The following MACF1 variants were observed in gnomAD, a reference collection of about 807,000 sequenced individuals.
The protein encoded by MACF1 is microtubule actin crosslinking factor 1, also known as microtubule-actin cross-linking factor 1.
A neutral mutation model predicts 854.8 loss-of-function variants in MACF1; 193 were observed. The ratio of observed to expected loss-of-function variants is 0.23; its 90% confidence interval spans 0.20 to 0.25. The LOEUF is 0.25. Among genes scored for constraint, MACF1 ranks in the 10% least tolerant of loss-of-function variants. The probability of loss-of-function intolerance (pLI) is 1.00; values close to 1 mark genes in which losing one functional copy is unlikely to be tolerated. For missense variants in MACF1, 7,722 were observed against 8,929.1 expected (o/e 0.86, Z 5.45); for synonymous variants, 3,185 against 3,226.7 (o/e 0.99, Z 0.44).
At chr1:39,445,969 G>A (rs982840042) in intron 80 of MACF1, among the ~76,000 whole-genome samples, 3 of 152,168 alleles carry the variant, frequency 2.0e-5, no homozygotes, top group African/African-American at 7.2e-5. Context: ...AAAAAAAAGA[G>A]AAAACAATCC....
chr1:39,356,948 A>G (rs143520448), intron 44 of MACF1, among the ~76,000 whole-genome samples: 1 of 152,214 alleles, frequency 6.6e-6, no homozygotes, highest in East Asian at 1.9e-4. Context: ...TGAAAACCAT[A>G]AAGTCCTATA....
At chr1:39,350,674 G>A in intron 42 of MACF1, 111 bp from the exon 43 acceptor site, 1 of 667,402 alleles carries the variant, frequency 1.5e-6, no homozygotes, top group Non-Finnish European at 2.5e-6. Context: ...ATTGTAGTTA[G>A]GGACTATATA....
In MACF1 at chr1:39,319,727, C is replaced by T. The variant is rs1187130781; in HGVS notation, c.4009C>T (p.Gln1337Ter). Residue 1337 changes from glutamine to a stop codon, truncating the protein, a stop_gained, in exon 31 of 101, where the codon CAG becomes TAG. Transcript: ENST00000564288. LOFTEE classifies it high-confidence loss of function. ...KLDQCQKFSQ[Q>*]YSTIVKDYEL... Reference sequence around the variant, plus strand: ...GGATCAATGTCAAAAATTTTCCCAGCAGTACTCTACTATTGTAAAGGTAAC... The same window carrying T: ...GGATCAATGTCAAAAATTTTCCCAGTAGTACTCTACTATTGTAAAGGTAAC... The T allele has an allele frequency of 1.2e-6, 2 of 1,613,034 alleles. No individual in the cohort carries two copies.
chr1:39,413,835 C>T, intron 58 of MACF1: 15 of 1,611,224 alleles, frequency 9.3e-6, no homozygotes, highest in Non-Finnish European at 1.3e-5. Context: ...CTGTGGTGGC[C>T]ACCCTGGAGG....
chr1:39,236,252 C>G (rs1412644879), intron 2 of MACF1, among the ~76,000 whole-genome samples: 2 of 152,180 alleles, frequency 1.3e-5, no homozygotes, highest in Non-Finnish European at 2.9e-5. Flanking sequence ...TTAACCCATG[C>G]AGAACTGGCT....
In MACF1 at chr1:39,350,881, C is replaced by A; in HGVS notation, c.11062C>A (p.Pro3688Thr). The A allele has an allele frequency of 6.2e-7, 1 of 1,614,016 alleles. No homozygotes were observed. The highest frequency in any genetic ancestry group is 1.1e-5 in the South Asian group (1 of 91,080). ...FMEENQTKLS[P>T]RELTALREKL... ...GGAAGAGAATCAGACCAAGCTGAGC[C>A]CACGTGAGTTGACAGCTCTTCGGGA... is the stretch of plus-strand genomic sequence containing the variant. Residue 3688 changes from proline (P) to threonine (T), a missense_variant, in exon 43 of 101, where the codon CCA (proline) becomes ACA (threonine). Pro to Thr is a conservative substitution (Grantham distance 38). This residue lies in a region of MACF1 where 2,807 missense variants were observed against 3,235.8 expected (regional missense o/e 0.87). Coordinates refer to ENST00000564288, the MANE Select transcript of MACF1 (RefSeq NM_001394062.1).
chr1:39,331,829 C>T lies in MACF1; in HGVS notation c.5241C>T (p.Ser1747=). The T allele has an allele frequency of 6.2e-7, 1 of 1,614,096 alleles. No homozygotes were observed. The highest frequency in any genetic ancestry group is 8.5e-7 in the Non-Finnish European group (1 of 1,180,016). The change falls in exon 37 of 101, where the codon AGC becomes AGT. Residue 1747 remains serine, a synonymous_variant. Coordinates refer to ENST00000564288, the MANE Select transcript of MACF1 (RefSeq NM_001394062.1). ...MVSLKSGRKV[S]IFRAVQEGLI... is the part of the protein sequence containing the mutation. Reference sequence around the variant, plus strand: ...GCTTGAAATCAGGCCGGAAGGTTAGCATTTTCCGTGCAGTTCAGGAAGGGC... The same window carrying T: ...GCTTGAAATCAGGCCGGAAGGTTAGTATTTTCCGTGCAGTTCAGGAAGGGC...
chr1:39,088,272 C>T (rs904178609), intron 2 of MACF1, among the ~76,000 whole-genome samples: 2 of 151,980 alleles, frequency 1.3e-5, no homozygotes, highest in Non-Finnish European at 2.9e-5. Context: ...GCGCCTGGCC[C>T]GAGATGGGGT....
At chr1:39,299,958 T>C (rs1468163485) in intron 21 of MACF1, among the ~76,000 whole-genome samples, 1 of 152,200 alleles carries the variant, frequency 6.6e-6, no homozygotes, top group Non-Finnish European at 1.5e-5. Flanking sequence ...TGCATGTGAC[T>C]TTATGGTTCA....
At chr1:39,165,376 G>C (rs1040167003) in intron 2 of MACF1, among the ~76,000 whole-genome samples, 2 of 152,142 alleles carry the variant, frequency 1.3e-5, no homozygotes. Context: ...TGATAGTTTT[G>C]TCCTGTTAAA....
intron 2 of MACF1, among the ~76,000 whole-genome samples, chr1:39,190,824 G>A (rs555243544): frequency 6.6e-6 from 1 of 151,890 alleles, no homozygotes; most frequent in African/African-American, 2.4e-5. Context: ...GCGAAACCCC[G>A]TCTCTACTAA....
Position 39,414,358 on chromosome 1 carries a change from A to G in MACF1, c.15817-8016A>G, listed in dbSNP as rs758105466. 21 of 1,613,858 alleles carry G rather than the reference A, an allele frequency of 1.3e-5. 2 individuals carry two copies. In the South Asian group the frequency reaches 1.9e-4, roughly 14 times the overall value. ...ACCTGTTCTAGAGGAGGCTTCCTCC[A>G]CTGGAATGTGGATCAAGGAGGACCT... On this transcript the variant is annotated intron_variant, in intron 58 of 100. Coordinates refer to ENST00000564288, the MANE Select transcript of MACF1 (RefSeq NM_001394062.1).
chr1:39,317,120 A>G (rs1193935096), intron 28 of MACF1, 94 bp from the exon 29 acceptor site: 2 of 1,240,040 alleles, frequency 1.6e-6, no homozygotes, highest in Non-Finnish European at 2.3e-6. Context: ...CAATGTGGAA[A>G]TAGCTGTAGA....
At chr1:39,440,982 A>G in intron 72 of MACF1, 21 bp from the exon 73 acceptor site, 1 of 1,613,964 alleles carries the variant, frequency 6.2e-7, no homozygotes, top group Non-Finnish European at 8.5e-7. Flanking sequence ...TTTGGCTTAT[A>G]TTCTATTCGT....
chr1:39,459,999 A>G (rs927493439), intron 91 of MACF1, among the ~76,000 whole-genome samples: 1 of 152,138 alleles, frequency 6.6e-6, no homozygotes, highest in Non-Finnish European at 1.5e-5. Flanking sequence ...ATTAACGTAG[A>G]CTTAAGTAGC....
chr1:39,464,362 G>A (rs1644617862), intron 94 of MACF1: 1 of 153,042 alleles, frequency 6.5e-6, no homozygotes, highest in Admixed American at 6.5e-5. Flanking sequence ...AGAAACACAG[G>A]AAGGTCCATG....
intron 2 of MACF1, among the ~76,000 whole-genome samples, chr1:39,190,334 C>T: frequency 7.2e-6 from 1 of 138,596 alleles, no homozygotes. Flanking sequence ...CTTCCTTTCT[C>T]TTTTCTTGTC....
intron 2 of MACF1, among the ~76,000 whole-genome samples, chr1:39,235,258 C>G (rs530905116): frequency 6.6e-6 from 1 of 152,384 alleles, no homozygotes; most frequent in East Asian, 1.9e-4. Flanking sequence ...AATCCCGGCA[C>G]CTTGGGAGGC....
Position 39,303,061 on chromosome 1 carries a change from C to T in MACF1, c.2772C>T (p.Ala924=). Residue 924 remains alanine (A), a synonymous_variant, in exon 23 of 101, where the codon GCC becomes GCT. Coordinates refer to ENST00000564288, the MANE Select transcript of MACF1 (RefSeq NM_001394062.1). ...CFLIPPPNKD[A]IEMASRVEQS... is the part of the protein sequence containing the mutation. ...TCATCCCCCCACCCAATAAGGATGC[C>T]ATTGAGATGGCCAGCAGGTAACTTG... 6.2e-7 allele frequency: 1 copy of T among 1,613,942 alleles called. No homozygotes were observed. Among genetic ancestry groups the T allele is most frequent in the Admixed American group, 1.7e-5 (1 of 60,014 alleles).
Sources: allele counts gnomAD v4.1 joint callset (sites outside exome capture counted in the v4.1 genomes callset), GRCh38; gene constraint gnomAD v4.1.1; regional missense constraint gnomAD v4.1.1; transcripts MANE v1.5; gene names NCBI Gene and HGNC (gene_info 2026-07-23, HGNC 2026-07-21).